SEC16A: variants seen among roughly 807,000 people sequenced by gnomAD.
The protein encoded by SEC16A is protein transport protein Sec16A.
A neutral mutation model predicts 221.9 loss-of-function variants in SEC16A; 110 were observed. The observed-to-expected ratio is 0.50, with a 90% CI of 0.42 to 0.58. SEC16A has a LOEUF of 0.58. Among genes scored for constraint, SEC16A ranks in the 20% least tolerant of loss-of-function variants. SEC16A has a pLI of 0.00. For synonymous variants in SEC16A, 1,393 were observed against 1,257.7 expected, an observed-to-expected ratio of 1.11 and a Z score of -2.28; for missense variants, 3,165 against 3,097.8, an observed-to-expected ratio of 1.02 and a Z score of -0.52.
chr9:136,460,626 T>C (rs59195487), intron 13 of SEC16A, among the ~76,000 whole-genome samples: 18,054 of 147,212 alleles, frequency 0.12, 1,376 homozygotes, highest in Admixed American at 0.24. Flanking sequence ...CTGTAAAAGA[T>C]AAGGCCAGGT....
Position 136,460,096 on chromosome 9 carries a change from G to T in SEC16A, c.5019C>A (p.Asp1673Glu). 1 of 1,607,700 alleles carries T rather than the reference G, an allele frequency of 6.2e-7. No individual in the cohort carries two copies. The highest frequency in any genetic ancestry group is 1.1e-5 in the South Asian group (1 of 89,722). Residue 1673 changes from aspartate to glutamate, a missense_variant, in exon 14 of 32, where the codon GAC becomes GAA. Coordinates refer to ENST00000684901, the MANE Select transcript of SEC16A (RefSeq NM_014866.2). The stretch of plus-strand genomic sequence containing the variant: ...TGAGCTGGTAGACTGTCTGCAGAGG[G>T]TCGTTGATTGGGAGGCTGTTAGCAA... ...TRFANSLPINDPLQTVYQLMS... is the reference protein window; with the variant it reads ...TRFANSLPINEPLQTVYQLMS...
In SEC16A at chr9:136,461,244, G is replaced by A. The variant is rs372169339; in HGVS notation, c.4924C>T (p.Leu1642=). ...DALESAMKNG[L]WGHALLLASK... is the part of the protein sequence containing the mutation. The stretch of plus-strand genomic sequence containing the variant: ...GCAAGTAGCAGAGCGTGACCCCACA[G>A]GCCATTCTTCATTGCAGACTCCAAA... The change falls in exon 13 of 32, where the codon CTG becomes TTG. Residue 1642 remains leucine (L), a synonymous_variant. Transcript: ENST00000684901. The A allele has an allele frequency of 8.3e-5, 133 of 1,608,584 alleles. No individual in the cohort carries two copies. Among genetic ancestry groups the A allele is most frequent in the Non-Finnish European group, 1.0e-4 (120 of 1,177,670 alleles).
chr9:136,455,753 T>C lies in SEC16A; in HGVS notation c.5705A>G (p.Gln1902Arg), dbSNP rs1207158915. ...GGAACTCGGAGTGCCAGGACACTGC[T>C]GCGGGAGGGCTCCATCCTGATGCCA... ...GVWHQDGALP[Q>R]QCPGTPSSEM... Residue 1902 changes from glutamine to arginine, a missense_variant, in exon 20 of 32, where the codon CAG becomes CGG. Physicochemically the swap from Gln to Arg is conservative, Grantham distance 43. This residue lies in a region of SEC16A where 1,088 missense variants were observed against 1,089.6 expected (regional missense o/e 1.00). Coordinates refer to ENST00000684901, the MANE Select transcript of SEC16A (RefSeq NM_014866.2). 3.7e-6 allele frequency: 6 copies of C among 1,600,672 alleles called. No individual in the cohort carries two copies. The highest frequency in any genetic ancestry group is 4.3e-6 in the Non-Finnish European group (5 of 1,174,056).
At chr9:136,468,373 A>G (rs1564512418) in intron 5 of SEC16A, 42 bp downstream of exon 5, 1 of 1,316,636 alleles carries the variant, frequency 7.6e-7, no homozygotes, top group East Asian at 2.3e-5. Context: ...CTTTTGCACA[A>G]GGCACCTGCT....
In SEC16A at chr9:136,463,014, T is replaced by C; in HGVS notation, c.4766A>G (p.Gln1589Arg). The change falls in exon 12 of 32, where the codon CAG becomes CGG. Residue 1589 changes from glutamine (Q) to arginine (R), a missense_variant. By Grantham distance (43) the Gln-to-Arg change is conservative. Coordinates refer to ENST00000684901, the MANE Select transcript of SEC16A (RefSeq NM_014866.2). ...LIDFTNEAVE[Q>R]VEEEESGEAQ... ...CTCACCAGACTCCTCCTCTTCCACC[T>C]GCTCCACTGCCTCATTCGTGAAATC... is the stretch of plus-strand genomic sequence containing the variant. The C allele has an allele frequency of 6.2e-7, 1 of 1,611,916 alleles. No individual in the cohort carries two copies. The highest frequency in any genetic ancestry group is 1.7e-5 in the Admixed American group (1 of 60,018).
At chr9:136,442,992 G>C (rs559885626) in intron 31 of SEC16A, among the ~76,000 whole-genome samples, 2 of 152,330 alleles carry the variant, frequency 1.3e-5, no homozygotes, top group Non-Finnish European at 1.5e-5. Flanking sequence ...ACTAAGAAAG[G>C]CAGCAACATA....
intron 4 of SEC16A, among the ~76,000 whole-genome samples, chr9:136,470,526 C>G (rs1276147553): frequency 1.3e-5 from 2 of 152,204 alleles, no homozygotes; most frequent in Non-Finnish European, 2.9e-5. Flanking sequence ...AACTTCAAAC[C>G]CCGCTTCCCA....
chr9:136,466,503 C>A lies in SEC16A; in HGVS notation c.3930-41G>T, dbSNP rs1840179073. On this transcript the variant is annotated intron_variant, in intron 6 of 31. Transcript: ENST00000684901. This position sits in a 1 kb window ranked among gnomAD's most constrained non-coding sequence, Gnocchi z 5.5. Reference sequence around the variant, plus strand: ...GGACAGAGGCAGAGGAATGGGAGTGCCGGAGGCCCCGTCCCCATGTGCCAC... The same window carrying A: ...GGACAGAGGCAGAGGAATGGGAGTGACGGAGGCCCCGTCCCCATGTGCCAC... 6.5e-7 allele frequency: 1 copy of A among 1,532,274 alleles called. No individual in the cohort carries two copies. The highest frequency in any genetic ancestry group is 1.2e-5 in the South Asian group (1 of 80,662). The allele number at this position is 1,532,274 out of a possible 1,614,324, so 94.9% of individuals were successfully genotyped here. A position where few individuals can be genotyped will look rare whatever the true frequency, so the allele number is the denominator to read the frequency against.
intron 8 of SEC16A, among the ~76,000 whole-genome samples, chr9:136,465,030 G>GC (rs1450376314): frequency 6.6e-6 from 1 of 152,172 alleles, no homozygotes; most frequent in Non-Finnish European, 1.5e-5. Context: ...AGGATCCAAG[G>GC]CAGGAGGGCC....
Position 136,467,028 on chromosome 9 carries a change from G to A in SEC16A, c.3858C>T (p.Thr1286=), listed in dbSNP as rs1840252570. The change falls in exon 6 of 32, where the codon ACC becomes ACT. Residue 1286 remains threonine (T), a synonymous_variant. Coordinates refer to ENST00000684901, the MANE Select transcript of SEC16A (RefSeq NM_014866.2). The stretch of plus-strand genomic sequence containing the variant: ...CATCACACCAATACCTCCGGTCATA[G>A]GTGCGGGGGTCCCTGACTCTAGCAC... ...HYSARVRDPR[T]YDRRYWCDAE... is the part of the protein sequence containing the mutation. 1.2e-6 allele frequency: 2 copies of A among 1,613,844 alleles called. No homozygotes were observed. The highest frequency in any genetic ancestry group is 1.7e-6 in the Non-Finnish European group (2 of 1,179,862).
chr9:136,444,950 G>A (rs1836748494), intron 30 of SEC16A, 102 bp downstream of exon 30: 2 of 894,824 alleles, frequency 2.2e-6, no homozygotes, highest in South Asian at 2.8e-5. Context: ...CAACGGGCGA[G>A]GTTAGTGGCA....
At position 136,474,466 on chromosome 9, in the gene SEC16A, G is replaced by C; in HGVS notation, c.3150C>G (p.Gly1050=). The C allele has an allele frequency of 6.2e-7, 1 of 1,613,072 alleles. No homozygotes were observed. The highest frequency in any genetic ancestry group is 8.5e-7 in the Non-Finnish European group (1 of 1,179,896). Residue 1050 remains glycine (G), a synonymous_variant, in exon 3 of 32, where the codon GGC becomes GGG. Coordinates refer to ENST00000684901, the MANE Select transcript of SEC16A (RefSeq NM_014866.2). Reference sequence around the variant, plus strand: ...GCTGGGCTCTTTCGAGGCCAGGCTGGCCCTGGGCATCTTTCGTGACCTGCT... The same window carrying C: ...GCTGGGCTCTTTCGAGGCCAGGCTGCCCCTGGGCATCTTTCGTGACCTGCT... ...FYQQVTKDAQ[G]QPGLERAQQE...
At chr9:136,477,988 C>T (rs1275272369) in intron 2 of SEC16A, among the ~76,000 whole-genome samples, 3 of 152,152 alleles carry the variant, frequency 2.0e-5, no homozygotes, top group Non-Finnish European at 2.9e-5. Context: ...CGCAGACCCG[C>T]GCCACAACAA....
chr9:136,473,825 C>T (rs1470618531), intron 3 of SEC16A, among the ~76,000 whole-genome samples: 1 of 152,208 alleles, frequency 6.6e-6, no homozygotes, highest in Non-Finnish European at 1.5e-5. Context: ...AAGATGCTAA[C>T]GCGTGGTGTG....
At chr9:136,457,677 A>G (rs1271029814) in intron 17 of SEC16A, 93 bp from the exon 18 acceptor site, 2 of 1,440,058 alleles carry the variant, frequency 1.4e-6, no homozygotes, top group African/African-American at 1.4e-5. Context: ...GCTCCCCTGC[A>G]TCCGAGCATC....
rs778134279 is a variant in SEC16A, at chr9:136,447,811, ACTCACAC to A, written c.6447+35_6447+41del. The A allele has an allele frequency of 5.1e-5, 81 of 1,585,630 alleles. No homozygotes were observed. Among genetic ancestry groups the A allele is most frequent in the Admixed American group, 7.0e-5 (4 of 57,326 alleles). ...AGGGCCACATGAGGCTGTTCCCTCC[ACTCACAC>A]CTCACACCCAACAGGAACTAGAATG... On this transcript the variant is annotated intron_variant, in intron 25 of 31. Coordinates refer to ENST00000684901, the MANE Select transcript of SEC16A (RefSeq NM_014866.2). The surrounding 1 kb of genome is among the most constrained non-coding windows in gnomAD (Gnocchi z 5.5).
chr9:136,475,349 G>C lies in SEC16A; in HGVS notation c.2267C>G (p.Pro756Arg), dbSNP rs1475508773. ...ALYVCAKPQP[P>R]VVQPPEEAMS... is the part of the protein sequence containing the mutation. ...CGCCTCTTCTGGAGGCTGAACAACA[G>C]GTGGCTGAGGTTTTGCACACACATA... The change falls in exon 3 of 32, where the codon CCT (proline) becomes CGT (arginine). Residue 756 changes from proline (P) to arginine (R), a missense_variant. Around this residue, in one of 3 missense-constraint regions of SEC16A, gnomAD observed 2,030 missense variants for 1,923.1 expected, o/e 1.06. Coordinates refer to ENST00000684901, the MANE Select transcript of SEC16A (RefSeq NM_014866.2). The surrounding 1 kb of genome is among the most constrained non-coding windows in gnomAD (Gnocchi z 5.0). 5 of 1,609,802 alleles carry C rather than the reference G, an allele frequency of 3.1e-6. No individual in the cohort carries two copies. The highest frequency in any genetic ancestry group is 4.2e-6 in the Non-Finnish European group (5 of 1,177,048).
At position 136,472,086 on chromosome 9, in the gene SEC16A, C is replaced by T. The variant is rs1175833008; in HGVS notation, c.3593G>A (p.Arg1198Gln). The change falls in exon 4 of 32, where the codon CGA becomes CAA. Residue 1198 changes from arginine (R) to glutamine (Q), a missense_variant. Coordinates refer to ENST00000684901, the MANE Select transcript of SEC16A (RefSeq NM_014866.2). ...YQDVYSLYEP[R>Q]YRPYDGAASA... ...CGCAGCACCATCATAGGGCCTGTAT[C>T]GAGGCTCATAGAGGCTGTAGACATC... The T allele has an allele frequency of 1.2e-6, 2 of 1,613,650 alleles. No homozygotes were observed.
At chr9:136,461,335 A>G (rs1223344310) in intron 12 of SEC16A, 61 bp from the exon 13 acceptor site, 4 of 1,224,076 alleles carry the variant, frequency 3.3e-6, no homozygotes, top group Non-Finnish European at 4.7e-6. Flanking sequence ...GACATGAGTC[A>G]AGACAGGCCA....
Sources: allele counts gnomAD v4.1 joint callset (sites outside exome capture counted in the v4.1 genomes callset), GRCh38; gene constraint gnomAD v4.1.1; regional missense constraint gnomAD v4.1.1; non-coding constraint Gnocchi (gnomAD v3.1); transcripts MANE v1.5; gene names NCBI Gene and HGNC (gene_info 2026-07-23, HGNC 2026-07-21).